The following DOP1B variants were observed in gnomAD, a reference collection of about 807,000 sequenced individuals.
DOP1B encodes the protein protein DOP1B.
In DOP1B, 174 loss-of-function variants were observed where a neutral mutation model predicts 233.5. That is an observed-to-expected ratio of 0.75 (90% CI 0.66 to 0.85). The LOEUF is 0.85. Ranked by LOEUF, DOP1B falls within the 40% of genes least tolerant of loss-of-function variation. The probability of loss-of-function intolerance (pLI) is 0.00; values close to 1 mark genes in which losing one functional copy is unlikely to be tolerated. For synonymous variants in DOP1B, 1,190 were observed against 1,185.6 expected (o/e 1.00, Z -0.08); for missense variants, 2,652 against 2,846.6 (o/e 0.93, Z 1.56).
chr21:36,175,046 T>G (rs1444969043), intron 2 of DOP1B, among the ~76,000 whole-genome samples: 1 of 152,094 alleles, frequency 6.6e-6, no homozygotes, highest in Non-Finnish European at 1.5e-5. Flanking sequence ...TTGGAGATGG[T>G]GTCTTCTCCC....
chr21:36,245,682 C>G lies in DOP1B; in HGVS notation c.3702C>G (p.Pro1234=), dbSNP rs150884749. 6.2e-7 allele frequency: 1 copy of G among 1,613,784 alleles called. No individual in the cohort carries two copies. Among genetic ancestry groups the G allele is most frequent in the Admixed American group, 1.7e-5 (1 of 60,016 alleles). Residue 1234 remains proline (P), a synonymous_variant, in exon 19 of 37, where the codon CCC becomes CCG. Transcript: ENST00000691173. The surrounding 1 kb of genome is among the most constrained non-coding windows in gnomAD (Gnocchi z 5.5). ...AGCACATCCTGCTCTACCTGCAGCCCTACGACTCTCGGCGGGTCCTCTATG... is the reference window on the plus strand; with the variant it reads ...AGCACATCCTGCTCTACCTGCAGCCGTACGACTCTCGGCGGGTCCTCTATG... The part of the protein sequence containing the change: ...LFKHILLYLQ[P]YDSRRVLYAF...
chr21:36,207,573 C>T (rs944593067), intron 4 of DOP1B, among the ~76,000 whole-genome samples: 3 of 149,324 alleles, frequency 2.0e-5, no homozygotes, highest in African/African-American at 5.0e-5. Context: ...AGGCTCCTTC[C>T]CCTGTCTTTT....
chr21:36,270,552 C>A (rs192918608), intron 27 of DOP1B, among the ~76,000 whole-genome samples: 895 of 36,562 alleles, frequency 0.024, 16 homozygotes, highest in African/African-American at 0.051. Context: ...GACTCCGTCT[C>A]AAAAAAAAAA....
chr21:36,163,755 C>T (rs1041780335), intron 1 of DOP1B, among the ~76,000 whole-genome samples: 19 of 152,148 alleles, frequency 1.2e-4, no homozygotes, highest in African/African-American at 3.4e-4. Context: ...CTGTTATGTG[C>T]AGAAAACATA....
rs565438467 is a variant in DOP1B at position 36,280,606 on chromosome 21, A to T, written c.6031+260A>T. Among the ~76,000 whole-genome samples, 53 of 152,348 alleles carry T rather than the reference A, an allele frequency of 3.5e-4. 2 individuals carry two copies. The highest frequency in any genetic ancestry group is 2.9e-3 in the Admixed American group (45 of 15,288). ...TACTGCCGAAAGCATCCAGCTTCAC[A>T]TCTTGACATTTGTGCTGAAAGTAAT... is the stretch of plus-strand genomic sequence containing the variant. On this transcript the variant is annotated intron_variant, in intron 31 of 36. Transcript: ENST00000691173.
intron 7 of DOP1B, among the ~76,000 whole-genome samples, chr21:36,213,046 T>G (rs1198790075): frequency 6.6e-6 from 1 of 152,218 alleles, no homozygotes; most frequent in African/African-American, 2.4e-5. Flanking sequence ...CCTCCCAAAG[T>G]GCTGGAATTA....
In DOP1B at chr21:36,244,174, C is replaced by G. The variant is rs146280729; in HGVS notation, c.3068-874C>G. Among the ~76,000 whole-genome samples the G allele has an allele frequency of 2.6e-4, 40 of 151,904 alleles. 1 individual carries two copies. The East Asian group carries it at 7.6e-3, about 29-fold the overall frequency. ...CCCACGCTGGGACTATGGGCACGCA[C>G]CACCACGTCCAGCTAATTTTTGTAT... is the stretch of plus-strand genomic sequence containing the variant. On this transcript the variant is annotated intron_variant, in intron 18 of 36. Coordinates refer to ENST00000691173, the MANE Select transcript of DOP1B (RefSeq NM_001320714.2).
At chr21:36,281,115 G>A (rs9808772) in intron 31 of DOP1B, among the ~76,000 whole-genome samples, 66,783 of 151,952 alleles carry the variant, frequency 0.44, 15,157 homozygotes, top group African/African-American at 0.56. Flanking sequence ...ACCAGCCTGG[G>A]CAACATAGCG....
chr21:36,290,296 G>A (rs1285461799), intron 35 of DOP1B, among the ~76,000 whole-genome samples: 1 of 152,120 alleles, frequency 6.6e-6, no homozygotes, highest in Non-Finnish European at 1.5e-5. Context: ...AGGCTGAGGC[G>A]GGTGGATCAC....
At chr21:36,289,600 G>T (rs934836465) in intron 35 of DOP1B, among the ~76,000 whole-genome samples, 2 of 152,036 alleles carry the variant, frequency 1.3e-5, no homozygotes, top group African/African-American at 4.8e-5. Flanking sequence ...TGCCATCTCC[G>T]ATTCACTTTG....
chr21:36,221,889 T>C (rs2066627769), intron 10 of DOP1B, among the ~76,000 whole-genome samples: 2 of 152,170 alleles, frequency 1.3e-5, no homozygotes, highest in Admixed American at 1.3e-4. Flanking sequence ...TTGTTTGTTT[T>C]TGAGACGGAG....
chr21:36,178,211 G>C (rs2845753), intron 2 of DOP1B, among the ~76,000 whole-genome samples: 56,034 of 151,978 alleles, frequency 0.37, 10,449 homozygotes, highest in African/African-American at 0.45. Flanking sequence ...TAGGAGGAGG[G>C]CAGGCACAGT....
chr21:36,160,548 G>T (rs920908749), intron 1 of DOP1B, among the ~76,000 whole-genome samples: 2 of 146,522 alleles, frequency 1.4e-5, no homozygotes, highest in Non-Finnish European at 3.0e-5. Context: ...CACAATCCCA[G>T]CTCACTGTAA....
At chr21:36,208,355 C>T (rs1167671375) in intron 4 of DOP1B, among the ~76,000 whole-genome samples, 2 of 152,198 alleles carry the variant, frequency 1.3e-5, no homozygotes, top group African/African-American at 4.8e-5. Flanking sequence ...AGTGGCTGAC[C>T]TGCCTATCCC....
At chr21:36,229,583 T>C (rs8132883) in intron 13 of DOP1B, among the ~76,000 whole-genome samples, 107,957 of 151,552 alleles carry the variant, frequency 0.71, 38,766 homozygotes, top group East Asian at 0.96. Flanking sequence ...TTCACAGGTA[T>C]TGGGAGTTAG....
At chr21:36,184,720 G>A (rs2066143886) in intron 2 of DOP1B, among the ~76,000 whole-genome samples, 1 of 152,192 alleles carries the variant, frequency 6.6e-6, no homozygotes. Flanking sequence ...GGCATACGCA[G>A]CAAGTGCTGA....
At chr21:36,223,491 A>G in intron 11 of DOP1B, 141 bp downstream of exon 11, 1 of 1,093,398 alleles carries the variant, frequency 9.1e-7, no homozygotes, top group Non-Finnish European at 1.3e-6. Context: ...CAACTAAAAC[A>G]GGATTGGAAA....
chr21:36,226,693 A>G (rs1371686287), intron 12 of DOP1B, among the ~76,000 whole-genome samples: 1 of 152,144 alleles, frequency 6.6e-6, no homozygotes, highest in Non-Finnish European at 1.5e-5. Flanking sequence ...TCCCAGGCTC[A>G]AGCAATCCTC....
At chr21:36,234,232 T>C (rs1235940910) in intron 15 of DOP1B, among the ~76,000 whole-genome samples, 1 of 152,092 alleles carries the variant, frequency 6.6e-6, no homozygotes, top group Non-Finnish European at 1.5e-5. Flanking sequence ...AGACAGAACT[T>C]GAAACCAGGA....
Sources: allele counts gnomAD v4.1 joint callset (sites outside exome capture counted in the v4.1 genomes callset), GRCh38; gene constraint gnomAD v4.1.1; non-coding constraint Gnocchi (gnomAD v3.1); transcripts MANE v1.5; gene names NCBI Gene and HGNC (gene_info 2026-07-23, HGNC 2026-07-21).